GRM7: variants seen among roughly 807,000 people sequenced by gnomAD.
The protein encoded by GRM7 is metabotropic glutamate receptor 7.
A neutral mutation model predicts 84.5 loss-of-function variants in GRM7; 35 were observed. The ratio of observed to expected loss-of-function variants is 0.41; its 90% CI spans 0.32 to 0.55. GRM7 has a LOEUF of 0.55. Among genes scored for constraint, GRM7 ranks in the 20% least tolerant of loss-of-function variants. The pLI, the probability that GRM7 is intolerant of heterozygous loss-of-function variation, is 0.19. For synonymous variants in GRM7, 487 were observed against 455.1 expected (o/e 1.07, Z -0.89); for missense variants, 1,003 against 1,194.6 (o/e 0.84, Z 2.36).
intron 1 of GRM7, among the ~76,000 whole-genome samples, chr3:7,044,050 T>C (rs1013755508): frequency 2.0e-5 from 3 of 152,226 alleles, no homozygotes; most frequent in Non-Finnish European, 2.9e-5. Flanking sequence ...AAGCAGTCAA[T>C]ACATTTTGGA....
In GRM7 at chr3:7,360,435, A is replaced by G. The variant is rs114343314; in HGVS notation, c.1033+53783A>G. Among the ~76,000 whole-genome samples, 914 of 152,164 alleles carry G rather than the reference A, an allele frequency of 6.0e-3. 20 individuals are homozygous for G. The highest frequency in any genetic ancestry group is 0.021 in the African/African-American group (860 of 41,480). ...TACCTTTTGAACTATAATGCATCAG[A>G]TAAAAAATAATTGGGGTTACCATAA... On this transcript the variant is annotated intron_variant, in intron 4 of 9. Transcript: ENST00000357716.
At chr3:7,473,315 A>G (rs969926600) in intron 7 of GRM7, among the ~76,000 whole-genome samples, 3 of 152,088 alleles carry the variant, frequency 2.0e-5, no homozygotes, top group African/African-American at 7.2e-5. Context: ...AAAAATTTTA[A>G]AAAAATAAAA....
intron 1 of GRM7, among the ~76,000 whole-genome samples, chr3:7,068,329 G>A (rs1335701870): frequency 6.6e-6 from 1 of 151,916 alleles, no homozygotes; most frequent in African/African-American, 2.4e-5. Context: ...TTATAAATAG[G>A]GTAATGATGT....
At chr3:7,003,566 T>C (rs1260925101) in intron 1 of GRM7, among the ~76,000 whole-genome samples, 1 of 152,202 alleles carries the variant, frequency 6.6e-6, no homozygotes, top group Non-Finnish European at 1.5e-5. Context: ...TTTTGCCCAC[T>C]GTAAGAGTGA....
intron 1 of GRM7, among the ~76,000 whole-genome samples, chr3:7,086,745 A>C (rs2125003625): frequency 6.6e-6 from 1 of 152,350 alleles, no homozygotes; most frequent in South Asian, 2.1e-4. Flanking sequence ...AAGAAAATAA[A>C]GAGCTAGTCT....
intron 4 of GRM7, among the ~76,000 whole-genome samples, chr3:7,394,890 T>A (rs1695145495): frequency 6.6e-6 from 1 of 151,962 alleles, no homozygotes; most frequent in African/African-American, 2.4e-5. Flanking sequence ...ATACAAAAAT[T>A]AGCCAGGCGT....
chr3:7,108,331 T>C (rs1014557590), intron 1 of GRM7, among the ~76,000 whole-genome samples: 1 of 151,824 alleles, frequency 6.6e-6, no homozygotes, highest in Non-Finnish European at 1.5e-5. Flanking sequence ...GATGAAAGAG[T>C]CTGGGCACAT....
chr3:7,475,085 A>G (rs918654743), intron 7 of GRM7, among the ~76,000 whole-genome samples: 1 of 152,190 alleles, frequency 6.6e-6, no homozygotes, highest in African/African-American at 2.4e-5. Flanking sequence ...CCTACGTAAA[A>G]GTCTTCCTGA....
intron 9 of GRM7, among the ~76,000 whole-genome samples, chr3:7,691,935 A>G: frequency 6.6e-6 from 1 of 152,176 alleles, no homozygotes. Flanking sequence ...CTGGGATTAC[A>G]GGTGTGAGCC....
At chr3:6,963,638 C>G (rs1693389220) in intron 1 of GRM7, among the ~76,000 whole-genome samples, 1 of 152,134 alleles carries the variant, frequency 6.6e-6, no homozygotes, top group African/African-American at 2.4e-5. Flanking sequence ...TATCCCAATA[C>G]ATATCATTCA....
At position 6,861,452 on chromosome 3, in the gene GRM7, G is replaced by A. The variant is rs777887764; in HGVS notation, c.64G>A (p.Glu22Lys). Residue 22 changes from glutamate to lysine, a missense_variant, in exon 1 of 10, where the codon GAG becomes AAG. Glu to Lys is a moderately conservative substitution (Grantham distance 56, BLOSUM62 1). This residue lies in a region of GRM7 where 93 missense variants were observed against 68.6 expected (regional missense o/e 1.36). Transcript: ENST00000357716. The surrounding 1 kb of genome is among the most constrained non-coding windows in gnomAD (Gnocchi z 6.4). ...TLMKFPCCVL[E>K]VLLCALAAAA... ...GATGAAGTTCCCCTGCTGCGTGCTG[G>A]AGGTGCTCCTGTGCGCGCTGGCGGC... 1.2e-6 allele frequency: 2 copies of A among 1,602,614 alleles called. No individual in the cohort carries two copies. The highest frequency in any genetic ancestry group is 1.7e-6 in the Non-Finnish European group (2 of 1,175,852).
At chr3:7,656,433 T>C (rs112025117) in intron 8 of GRM7, among the ~76,000 whole-genome samples, 1 of 151,460 alleles carries the variant, frequency 6.6e-6, no homozygotes, top group African/African-American at 2.4e-5. Flanking sequence ...GAGGTGGAGA[T>C]TGCAGTGAGC....
At chr3:7,254,197 T>C (rs1431358636) in intron 2 of GRM7, among the ~76,000 whole-genome samples, 1 of 152,212 alleles carries the variant, frequency 6.6e-6, no homozygotes, top group African/African-American at 2.4e-5. Flanking sequence ...GGACCCGTGC[T>C]TTACAAAGGC....
intron 2 of GRM7, among the ~76,000 whole-genome samples, chr3:7,191,348 A>G (rs188405891): frequency 1.6e-4 from 24 of 151,968 alleles, no homozygotes; most frequent in Admixed American, 1.3e-3. Context: ...TTTATATCCA[A>G]TGGCTGCTCA....
chr3:7,263,517 G>C (rs1233290892), intron 2 of GRM7, among the ~76,000 whole-genome samples: 1 of 152,134 alleles, frequency 6.6e-6, no homozygotes, highest in Non-Finnish European at 1.5e-5. Flanking sequence ...CAGCAGTGTT[G>C]GTGGCAACAC....
At chr3:7,462,438 C>T (rs1698287085) in intron 7 of GRM7, among the ~76,000 whole-genome samples, 1 of 152,164 alleles carries the variant, frequency 6.6e-6, no homozygotes. Flanking sequence ...GAATATTCGA[C>T]CAACTATCAG....
intron 9 of GRM7, among the ~76,000 whole-genome samples, chr3:7,709,331 CATAGTTTGGA>C (rs1256429327): frequency 6.6e-6 from 1 of 151,098 alleles, no homozygotes; most frequent in Non-Finnish European, 1.5e-5. Context: ...AGAAAAATGG[CATAGTTTGGA>C]ACAGAGAGTT....
chr3:6,984,404 C>T (rs966793499), intron 1 of GRM7, among the ~76,000 whole-genome samples: 2 of 152,202 alleles, frequency 1.3e-5, no homozygotes, highest in Non-Finnish European at 2.9e-5. Flanking sequence ...TGATGCATTA[C>T]AATGGCAGTC....
At chr3:7,600,857 A>T (rs553091672) in intron 8 of GRM7, among the ~76,000 whole-genome samples, 1 of 152,112 alleles carries the variant, frequency 6.6e-6, no homozygotes, top group African/African-American at 2.4e-5. Flanking sequence ...TTTGTATGCA[A>T]ATCTCTTGCT....
Sources: allele counts gnomAD v4.1 joint callset (sites outside exome capture counted in the v4.1 genomes callset), GRCh38; gene constraint gnomAD v4.1.1; regional missense constraint gnomAD v4.1.1; non-coding constraint Gnocchi (gnomAD v3.1); transcripts MANE v1.5; gene names NCBI Gene and HGNC (gene_info 2026-07-23, HGNC 2026-07-21).